The following PRKN variants were observed in gnomAD, a reference collection of about 807,000 sequenced individuals.
PRKN encodes parkin RBR E3 ubiquitin protein ligase.
Under a neutral mutation model 59.5 loss-of-function variants are expected in PRKN, and 56 were observed. That is an observed-to-expected ratio of 0.94 (90% CI 0.76 to 1.18). The LOEUF (loss-of-function observed/expected upper bound fraction) is 1.18, where lower values mean the gene tolerates loss of function less well. PRKN is among the 50% of genes most tolerant of loss of function. The probability of loss-of-function intolerance (pLI) is 0.00; values close to 1 mark genes in which losing one functional copy is unlikely to be tolerated. For synonymous variants in PRKN, 250 were observed against 222.1 expected, an observed-to-expected ratio of 1.13 and a Z score of -1.12; for missense variants, 657 against 596.4, an observed-to-expected ratio of 1.10 and a Z score of -1.06.
intron 7 of PRKN, among the ~76,000 whole-genome samples, chr6:161,598,573 T>C (rs1781999388): frequency 6.6e-6 from 1 of 152,204 alleles, no homozygotes; most frequent in African/African-American, 2.4e-5. Flanking sequence ...TACACGCATA[T>C]GATTTCTATA....
At chr6:162,406,321 C>G (rs535541239) in intron 2 of PRKN, among the ~76,000 whole-genome samples, 3 of 152,302 alleles carry the variant, frequency 2.0e-5, no homozygotes, top group African/African-American at 7.2e-5. Context: ...GAGTCCAACT[C>G]TAGAATCCTT....
At chr6:162,455,952 A>G (rs1790851101) in intron 1 of PRKN, among the ~76,000 whole-genome samples, 1 of 152,142 alleles carries the variant, frequency 6.6e-6, no homozygotes, top group Non-Finnish European at 1.5e-5. Flanking sequence ...TACATTTCCT[A>G]GAAATTGAAT....
At chr6:162,372,376 ACGCTGTGCTCCATTCACGG>A (rs1377281153) in intron 2 of PRKN, among the ~76,000 whole-genome samples, 1 of 152,172 alleles carries the variant, frequency 6.6e-6, no homozygotes, top group Non-Finnish European at 1.5e-5. Context: ...TCTCATTTAC[ACGCTGTGCTCCATTCACGG>A]CGCTGAGTTT....
intron 4 of PRKN, among the ~76,000 whole-genome samples, chr6:162,057,299 AT>A (rs1777906258): frequency 6.6e-6 from 1 of 152,212 alleles, no homozygotes; most frequent in South Asian, 2.1e-4. Context: ...AATTATGATT[AT>A]GTAACCAAAT....
intron 1 of PRKN, among the ~76,000 whole-genome samples, chr6:162,594,547 C>T (rs1781425783): frequency 6.6e-6 from 1 of 152,050 alleles, no homozygotes; most frequent in Non-Finnish European, 1.5e-5. Context: ...ATTGTTCACT[C>T]CATATACATT....
intron 1 of PRKN, among the ~76,000 whole-genome samples, chr6:162,712,492 G>C (rs543861639): frequency 4.8e-4 from 73 of 152,342 alleles, no homozygotes; most frequent in African/African-American, 1.7e-3. Flanking sequence ...CACCCCGTGA[G>C]ATTCAGGGGC....
At chr6:161,716,532 C>A (rs1583046537) in intron 7 of PRKN, among the ~76,000 whole-genome samples, 1 of 152,284 alleles carries the variant, frequency 6.6e-6, no homozygotes, top group South Asian at 2.1e-4. Context: ...AACCTAAACG[C>A]TATGTCTAAG....
At position 161,554,681 on chromosome 6, in the gene PRKN, G is replaced by T. The variant is rs570863167; in HGVS notation, c.934-5678C>A. On this transcript the variant is annotated intron_variant, in intron 8 of 11. Transcript: ENST00000366898. The surrounding 1 kb of genome is among the most constrained non-coding windows in gnomAD (Gnocchi z 4.5). The stretch of plus-strand genomic sequence containing the variant: ...ATAGTTTCTTACAGTATACATATAA[G>T]GAATATACAATCCTGATATACATAC... 6.7e-6 allele frequency among the ~76,000 whole-genome samples: 1 copy of T among 149,590 alleles called. No individual in the cohort carries two copies. The highest frequency in any genetic ancestry group is 2.0e-4 in the East Asian group (1 of 5,050).
intron 6 of PRKN, among the ~76,000 whole-genome samples, chr6:161,877,007 C>T (rs1488401976): frequency 6.6e-6 from 1 of 152,136 alleles, no homozygotes; most frequent in African/African-American, 2.4e-5. Context: ...AATCTAGAGA[C>T]CTATTCTGAG....
chr6:162,581,783 G>C (rs530485825), intron 1 of PRKN, among the ~76,000 whole-genome samples: 1 of 152,214 alleles, frequency 6.6e-6, no homozygotes, highest in Non-Finnish European at 1.5e-5. Context: ...ACTTAACTTA[G>C]ATTTTAAGAG....
chr6:162,406,355 AACAGT>A (rs1788072506), intron 2 of PRKN, among the ~76,000 whole-genome samples: 1 of 152,194 alleles, frequency 6.6e-6, no homozygotes, highest in Non-Finnish European at 1.5e-5. Context: ...ATACTGCATG[AACAGT>A]ACTCTTACCT....
At chr6:162,481,176 G>C (rs1194571588) in intron 1 of PRKN, among the ~76,000 whole-genome samples, 1 of 151,986 alleles carries the variant, frequency 6.6e-6, no homozygotes, top group African/African-American at 2.4e-5. Flanking sequence ...GAATTAAGTA[G>C]TCAGCTATAT....
chr6:162,430,338 G>C (rs1022412135), intron 2 of PRKN, among the ~76,000 whole-genome samples: 1 of 152,104 alleles, frequency 6.6e-6, no homozygotes, highest in Non-Finnish European at 1.5e-5. Context: ...GAGAGGAACT[G>C]AGGCACAGAG....
intron 10 of PRKN, among the ~76,000 whole-genome samples, chr6:161,384,278 G>T (rs1007927433): frequency 1.3e-5 from 2 of 152,190 alleles, no homozygotes; most frequent in Admixed American, 1.3e-4. Flanking sequence ...GTCTCATGGG[G>T]CGCAGTGGCT....
chr6:161,844,690 C>T (rs574272293), intron 6 of PRKN, among the ~76,000 whole-genome samples: 1 of 152,360 alleles, frequency 6.6e-6, no homozygotes, highest in African/African-American at 2.4e-5. Flanking sequence ...CACCTTTCCC[C>T]GATTCTTGTT....
chr6:162,329,500 GA>G (rs1783477455), intron 2 of PRKN, among the ~76,000 whole-genome samples: 1 of 152,136 alleles, frequency 6.6e-6, no homozygotes, highest in African/African-American at 2.4e-5. Context: ...CCTACCTCCT[GA>G]GCATCAGGTC....
At chr6:161,841,325 C>CTG (rs142296484) in intron 6 of PRKN, among the ~76,000 whole-genome samples, 1,781 of 151,578 alleles carry the variant, frequency 0.012, 33 homozygotes, top group East Asian at 0.074. Flanking sequence ...CTCTTCCTAT[C>CTG]TGCCATGACT....
rs10534285 is a variant in PRKN at position 162,192,442 on chromosome 6, A to ATTTT, written c.534+8685_534+8688dup. ...GGTAAGCATTCAATAAATTATAGGG[A>ATTTT]TTTTTTTTTTTTTTTTTTTTTTTTT... On this transcript the variant is annotated intron_variant, in intron 4 of 11. Transcript: ENST00000366898. Among the ~76,000 whole-genome samples, 373 of 74,720 alleles carry ATTTT rather than the reference A, an allele frequency of 5.0e-3. 50 individuals are homozygous for ATTTT. Among genetic ancestry groups the ATTTT allele is most frequent in the African/African-American group, 0.021 (333 of 15,608 alleles). 49.0% of individuals were successfully genotyped at this position (74,720 alleles called of 152,430 possible). A position where few individuals can be genotyped will look rare whatever the true frequency, so the allele number is the denominator to read the frequency against.
chr6:162,197,685 A>G (rs1292677482), intron 4 of PRKN, among the ~76,000 whole-genome samples: 1 of 152,196 alleles, frequency 6.6e-6, no homozygotes, highest in Admixed American at 6.5e-5. Context: ...ACACTGGATG[A>G]GAATTGGAGA....
Sources: allele counts gnomAD v4.1 joint callset (sites outside exome capture counted in the v4.1 genomes callset), GRCh38; gene constraint gnomAD v4.1.1; non-coding constraint Gnocchi (gnomAD v3.1); transcripts MANE v1.5; gene names NCBI Gene and HGNC (gene_info 2026-07-23, HGNC 2026-07-21).